ARHGAP17: variants seen among roughly 807,000 people sequenced by gnomAD.
ARHGAP17 encodes rho GTPase-activating protein 17.
In ARHGAP17, 57 loss-of-function variants were observed where a neutral mutation model predicts 99.5. The ratio of observed to expected loss-of-function variants is 0.57; its 90% CI spans 0.46 to 0.71. ARHGAP17 has a LOEUF of 0.71. Ranked by LOEUF, ARHGAP17 falls within the 30% of genes least tolerant of loss-of-function variation. ARHGAP17 has a pLI of 0.00. For synonymous variants in ARHGAP17, 417 were observed against 429.6 expected, an observed-to-expected ratio of 0.97 and a Z score of 0.36; for missense variants, 1,000 against 1,122.4, an observed-to-expected ratio of 0.89 and a Z score of 1.56.
At chr16:24,989,087 T>C (rs895574851) in intron 1 of ARHGAP17, among the ~76,000 whole-genome samples, 1 of 152,180 alleles carries the variant, frequency 6.6e-6, no homozygotes, top group African/African-American at 2.4e-5. Context: ...AGCCAGAGGC[T>C]AGGAGGAGCT....
At chr16:24,981,624 G>C (rs1022806792) in intron 1 of ARHGAP17, among the ~76,000 whole-genome samples, 13 of 152,156 alleles carry the variant, frequency 8.5e-5, no homozygotes, top group Non-Finnish European at 1.5e-5. Context: ...TCTGGAGTTG[G>C]GAAATCTCAG....
intron 13 of ARHGAP17, 27 bp from the exon 14 acceptor site, chr16:24,947,622 T>C (rs2051512313): frequency 5.8e-6 from 9 of 1,549,182 alleles, no homozygotes; most frequent in Non-Finnish European, 7.1e-6. Context: ...AAGGGGAGGG[T>C]TTCTCCTCTG....
At chr16:24,932,695 A>T (rs1319324321) in intron 18 of ARHGAP17, among the ~76,000 whole-genome samples, 1 of 152,084 alleles carries the variant, frequency 6.6e-6, no homozygotes, top group Non-Finnish European at 1.5e-5. Context: ...AAGAGAGCTG[A>T]ATCACATCAC....
At chr16:25,014,419 C>T (rs1246452851) in intron 1 of ARHGAP17, among the ~76,000 whole-genome samples, 1 of 152,238 alleles carries the variant, frequency 6.6e-6, no homozygotes, top group African/African-American at 2.4e-5. Flanking sequence ...TCTACCAACT[C>T]TGGTCTAGCC....
At chr16:24,964,389 A>C (rs1325453421) in intron 6 of ARHGAP17, 81 bp from the exon 7 acceptor site, 3 of 919,422 alleles carry the variant, frequency 3.3e-6, no homozygotes, top group Non-Finnish European at 5.1e-6. Context: ...GTGGAGATAG[A>C]TCCTTCCCCA....
At chr16:25,007,922 C>T (rs1028838255) in intron 1 of ARHGAP17, among the ~76,000 whole-genome samples, 4 of 152,154 alleles carry the variant, frequency 2.6e-5, no homozygotes, top group Non-Finnish European at 4.4e-5. Context: ...AGCAGCTCTC[C>T]CCTTTGAATG....
chr16:24,989,788 C>A (rs2052982567), intron 1 of ARHGAP17, among the ~76,000 whole-genome samples: 1 of 151,636 alleles, frequency 6.6e-6, no homozygotes, highest in Non-Finnish European at 1.5e-5. Flanking sequence ...TGTTCTCATT[C>A]ATATGTGGGA....
chr16:24,967,689 G>A (rs1471852025), intron 6 of ARHGAP17, among the ~76,000 whole-genome samples: 4 of 150,726 alleles, frequency 2.7e-5, no homozygotes, highest in South Asian at 2.1e-4. Context: ...CTGGGATGCC[G>A]AGGCAGAAGG....
chr16:24,938,981 T>C (rs1394759496), intron 17 of ARHGAP17, among the ~76,000 whole-genome samples: 2 of 151,912 alleles, frequency 1.3e-5, no homozygotes, highest in African/African-American at 2.4e-5. Flanking sequence ...AATACGAAAA[T>C]TTAACTAACT....
At chr16:24,944,520 T>C (rs1167865685) in intron 14 of ARHGAP17, among the ~76,000 whole-genome samples, 1 of 152,238 alleles carries the variant, frequency 6.6e-6, no homozygotes, top group African/African-American at 2.4e-5. Flanking sequence ...ACATGGGTGG[T>C]AGCTATGTTC....
chr16:24,942,262 A>G (rs1362095541), intron 15 of ARHGAP17, 119 bp from the exon 16 acceptor site: 2 of 1,033,810 alleles, frequency 1.9e-6, no homozygotes, highest in Non-Finnish European at 2.8e-6. Context: ...TCACTATTTC[A>G]AAGTGGAAGC....
intron 17 of ARHGAP17, among the ~76,000 whole-genome samples, chr16:24,937,107 A>T (rs1322384105): frequency 2.1e-5 from 3 of 141,594 alleles, no homozygotes; most frequent in Non-Finnish European, 4.5e-5. Context: ...ACAGAGCAAG[A>T]CCCTGTCTGA....
At chr16:24,932,686 A>G (rs1486184236) in intron 18 of ARHGAP17, among the ~76,000 whole-genome samples, 3 of 152,128 alleles carry the variant, frequency 2.0e-5, no homozygotes, top group African/African-American at 7.2e-5. Flanking sequence ...ATTTCTCTAA[A>G]GAGAGCTGAA....
chr16:24,942,152 G>A lies in ARHGAP17; in HGVS notation c.1334-9C>T. On this transcript the variant is annotated splice_polypyrimidine_tract_variant and intron_variant, in intron 15 of 19. Transcript: ENST00000289968. ...TACATTAAATTCCACCTCTGCAAGA[G>A]GAAAAATAAACAAGTGCATGAGACA... 1.2e-6 allele frequency: 2 copies of A among 1,601,628 alleles called. No individual in the cohort carries two copies. The highest frequency in any genetic ancestry group is 1.1e-5 in the South Asian group (1 of 89,688).
intron 6 of ARHGAP17, among the ~76,000 whole-genome samples, chr16:24,965,590 C>T (rs964420982): frequency 3.9e-5 from 6 of 152,250 alleles, no homozygotes; most frequent in Admixed American, 3.9e-4. Context: ...ACGTGACACA[C>T]TCCTCCACCA....
intron 19 of ARHGAP17, among the ~76,000 whole-genome samples, chr16:24,926,613 G>A (rs2050850092): frequency 6.6e-6 from 1 of 152,238 alleles, no homozygotes; most frequent in Non-Finnish European, 1.5e-5. Context: ...AAGGGTGAGA[G>A]TTTAAAAAGC....
At chr16:24,975,891 G>A (rs1175598453) in intron 3 of ARHGAP17, among the ~76,000 whole-genome samples, 4 of 152,154 alleles carry the variant, frequency 2.6e-5, no homozygotes, top group African/African-American at 7.2e-5. Context: ...TGAACGCTCT[G>A]AACAAGTGGA....
chr16:24,923,907 A>G (rs1462717132), intron 19 of ARHGAP17, among the ~76,000 whole-genome samples: 1 of 152,064 alleles, frequency 6.6e-6, no homozygotes, highest in Admixed American at 6.6e-5. Context: ...AAGAGCTAGA[A>G]GTGGAATGTT....
chr16:24,943,465 A>G (rs9929244), intron 15 of ARHGAP17, among the ~76,000 whole-genome samples: 27,351 of 152,216 alleles, frequency 0.18, 7,593 homozygotes, highest in African/African-American at 0.6. Context: ...TCATGTGGCC[A>G]TCTTCTCCAG....
Sources: gnomAD v4.1 joint callset for allele counts (sites outside exome capture counted in the v4.1 genomes callset) on GRCh38, gnomAD v4.1.1 for gene constraint, MANE v1.5 for transcripts, NCBI Gene and HGNC (gene_info 2026-07-23, HGNC 2026-07-21) for gene names.